Variants in DLGAP4 observed in about 807,000 individuals in gnomAD.
The protein encoded by DLGAP4 is disks large-associated protein 4.
A neutral mutation model predicts 86.9 loss-of-function variants in DLGAP4; 18 were observed. That is an observed-to-expected ratio of 0.21 (90% CI 0.14 to 0.31). The LOEUF is 0.31. Ranked by LOEUF, DLGAP4 falls within the 10% of genes least tolerant of loss-of-function variation. The probability of loss-of-function intolerance (pLI) is 1.00; values close to 1 mark genes in which losing one functional copy is unlikely to be tolerated. For synonymous variants in DLGAP4, 548 were observed against 574.3 expected (o/e 0.95, Z 0.65); for missense variants, 1,085 against 1,362.6 (o/e 0.80, Z 3.21).
chr20:36,356,540 G>C (rs4073817), intron 1 of DLGAP4, among the ~76,000 whole-genome samples: 60,872 of 151,862 alleles, frequency 0.4, 12,361 homozygotes, highest in East Asian at 0.59. Flanking sequence ...TCGAACTCCT[G>C]ACCTCAAGTG....
intron 7 of DLGAP4, among the ~76,000 whole-genome samples, chr20:36,455,107 G>C (rs1053477556): frequency 6.6e-6 from 1 of 151,976 alleles, no homozygotes; most frequent in Non-Finnish European, 1.5e-5. Flanking sequence ...TTCTCTCTAT[G>C]CCTCTGAGAA....
Position 36,500,622 on chromosome 20 carries a change from C to CAT in DLGAP4, c.2512+12_2512+13dup. On this transcript the variant is annotated intron_variant, in intron 10 of 12. Coordinates refer to ENST00000339266, the MANE Select transcript of DLGAP4 (RefSeq NM_001365621.2). This position sits in a 1 kb window ranked among gnomAD's most constrained non-coding sequence, Gnocchi z 4.6. ...ACCTCTCTGAAGAAGGTGGGTGCCA[C>CAT]ATGGATGGTCCTTGGGCAAGGGTAG... 6.7e-7 allele frequency: 1 copy of CAT among 1,481,684 alleles called. No homozygotes were observed. Among genetic ancestry groups the CAT allele is most frequent in the Non-Finnish European group, 9.0e-7 (1 of 1,115,726 alleles). 91.8% of individuals were successfully genotyped at this position (1,481,684 alleles called of 1,614,324 possible).
intron 1 of DLGAP4, among the ~76,000 whole-genome samples, chr20:36,311,813 G>A (rs944367330): frequency 6.6e-6 from 1 of 152,344 alleles, no homozygotes; most frequent in Middle Eastern, 3.4e-3. Context: ...ACAGAGGCTG[G>A]AAGACAGAGG....
intron 2 of DLGAP4, among the ~76,000 whole-genome samples, chr20:36,423,846 G>C (rs1203104125): frequency 6.6e-6 from 1 of 151,838 alleles, no homozygotes; most frequent in African/African-American, 2.4e-5. Context: ...TGTAATCCCA[G>C]CTACTCGGGA....
intron 7 of DLGAP4, among the ~76,000 whole-genome samples, chr20:36,466,405 C>T (rs1490245937): frequency 6.6e-6 from 1 of 152,206 alleles, no homozygotes; most frequent in African/African-American, 2.4e-5. Flanking sequence ...AGCAAGTCAC[C>T]TTTCCCCTAC....
chr20:36,312,763 G>A (rs1476717634), intron 1 of DLGAP4, among the ~76,000 whole-genome samples: 26 of 152,272 alleles, frequency 1.7e-4, no homozygotes, highest in Admixed American at 1.6e-3. Flanking sequence ...CTAGGAGTGA[G>A]CACTCGGCCT....
intron 2 of DLGAP4, among the ~76,000 whole-genome samples, chr20:36,403,236 C>T (rs1306113435): frequency 6.6e-6 from 1 of 152,098 alleles, no homozygotes; most frequent in Non-Finnish European, 1.5e-5. Flanking sequence ...TATGTCATAA[C>T]ATGGTGGAAG....
chr20:36,310,398 G>A lies in DLGAP4; in HGVS notation c.-304+3886G>A, dbSNP rs1364850161. On this transcript the variant is annotated intron_variant, in intron 1 of 12. Coordinates refer to ENST00000339266, the MANE Select transcript of DLGAP4 (RefSeq NM_001365621.2). ...GAGGGAGTAGGGTGCAGTCATGGTC[G>A]GCATCCACTCTTCTAGGAGCCCTGT... 1.1e-4 allele frequency among the ~76,000 whole-genome samples: 17 copies of A among 151,968 alleles called. 1 individual carries two copies. Among genetic ancestry groups the A allele is most frequent in the Admixed American group, 7.2e-4 (11 of 15,240 alleles).
At chr20:36,467,017 C>CCTCTCTCTCTCTCTCTCTCTCTCTCTCT (rs55778929) in intron 7 of DLGAP4, among the ~76,000 whole-genome samples, 1 of 50,346 alleles carries the variant, frequency 2.0e-5, no homozygotes, top group African/African-American at 1.3e-4. Context: ...CTCTCTCTCT[C>CCTCTCTCTCTCTCTCTCTCTCTCTCTCT]CTCTCTCTCT....
Position 36,393,710 on chromosome 20 carries a change from T to A in DLGAP4, c.-73+26435T>A, listed in dbSNP as rs566294163. 6.6e-6 allele frequency among the ~76,000 whole-genome samples: 1 copy of A among 152,286 alleles called. No homozygotes were observed. The highest frequency in any genetic ancestry group is 1.9e-4 in the East Asian group (1 of 5,182). On this transcript the variant is annotated intron_variant, in intron 2 of 12. Transcript: ENST00000339266. The surrounding 1 kb of genome is among the most constrained non-coding windows in gnomAD (Gnocchi z 4.4). ...AGGAGGGAAGGAAAGGGGGGCTCTG[T>A]GCCTGCACCCTTTGTGGCACTTTAG...
At chr20:36,516,105 G>A (rs1183778241) in intron 10 of DLGAP4, among the ~76,000 whole-genome samples, 2 of 152,200 alleles carry the variant, frequency 1.3e-5, no homozygotes, top group Non-Finnish European at 1.5e-5. Flanking sequence ...TGCTTCCACT[G>A]CTTTGGCCAG....
intron 10 of DLGAP4, among the ~76,000 whole-genome samples, chr20:36,511,811 G>T (rs2036711253): frequency 6.7e-6 from 1 of 149,848 alleles, no homozygotes; most frequent in Non-Finnish European, 1.5e-5. Context: ...GGAGGTGGAG[G>T]TTGCGGTGAG....
intron 2 of DLGAP4, among the ~76,000 whole-genome samples, chr20:36,417,336 G>T (rs1032145755): frequency 6.6e-4 from 101 of 151,916 alleles, no homozygotes; most frequent in African/African-American, 2.3e-3. Flanking sequence ...GCATGGCTTT[G>T]GTGGGCTGAG....
intron 7 of DLGAP4, among the ~76,000 whole-genome samples, chr20:36,471,399 C>T (rs1443220492): frequency 6.6e-6 from 1 of 152,128 alleles, no homozygotes; most frequent in Admixed American, 6.6e-5. Flanking sequence ...GAGGCTGAGG[C>T]AGAAGAATCA....
At position 36,500,187 on chromosome 20, in the gene DLGAP4, C is replaced by A; in HGVS notation, c.2100-12C>A. The A allele has an allele frequency of 3.3e-6, 5 of 1,522,736 alleles. No individual in the cohort carries two copies. In the South Asian group the frequency reaches 6.5e-5, roughly 20 times the overall value. The allele number at this position is 1,522,736 out of a possible 1,614,324, so 94.3% of individuals were successfully genotyped here. A position where few individuals can be genotyped will look rare whatever the true frequency, so the allele number is the denominator to read the frequency against. On this transcript the variant is annotated splice_polypyrimidine_tract_variant and intron_variant, in intron 9 of 12. Transcript: ENST00000339266. This position sits in a 1 kb window ranked among gnomAD's most constrained non-coding sequence, Gnocchi z 4.6. ...CCTTCCTGTCCCCACCCCATCCACC[C>A]CCTACCCACAGAAGCAGCGTCCCCT...
chr20:36,369,770 TC>T (rs1298753379), intron 2 of DLGAP4, among the ~76,000 whole-genome samples: 4 of 152,226 alleles, frequency 2.6e-5, no homozygotes, highest in Non-Finnish European at 4.4e-5. Context: ...TGCACTTTAC[TC>T]TTTCTATTAC....
chr20:36,418,659 C>A (rs2032734548), intron 2 of DLGAP4, among the ~76,000 whole-genome samples: 1 of 152,136 alleles, frequency 6.6e-6, no homozygotes, highest in Non-Finnish European at 1.5e-5. Flanking sequence ...CCCCCACCCC[C>A]TGAGGAGCTG....
intron 2 of DLGAP4, among the ~76,000 whole-genome samples, chr20:36,429,978 G>T (rs2033084580): frequency 6.6e-6 from 1 of 152,100 alleles, no homozygotes; most frequent in Admixed American, 6.6e-5. Flanking sequence ...CAGCCACACT[G>T]ACTCTTTGCC....
rs1481809124 is a variant in DLGAP4, at chr20:36,308,445, GTGCCAGCCTTGAGATGGAAC to G, written c.-304+1937_-304+1956del. Reference sequence around the variant, plus strand: ...ATGGCTGGGTTATGTGGAACCCCGGGTGCCAGCCTTGAGATGGAACTGCAGGTCTGAGGGCTGTGCCCCGG... The same window carrying G: ...ATGGCTGGGTTATGTGGAACCCCGGGTGCAGGTCTGAGGGCTGTGCCCCGG... On this transcript the variant is annotated intron_variant, in intron 1 of 12. Transcript: ENST00000339266. This position sits in a 1 kb window ranked among gnomAD's most constrained non-coding sequence, Gnocchi z 4.5. Among the ~76,000 whole-genome samples the G allele has an allele frequency of 3.3e-5, 5 of 152,228 alleles. No individual in the cohort carries two copies. The highest frequency in any genetic ancestry group is 7.3e-5 in the Non-Finnish European group (5 of 68,034).
Sources: allele counts gnomAD v4.1 joint callset (sites outside exome capture counted in the v4.1 genomes callset), GRCh38; gene constraint gnomAD v4.1.1; non-coding constraint Gnocchi (gnomAD v3.1); transcripts MANE v1.5; gene names NCBI Gene and HGNC (gene_info 2026-07-23, HGNC 2026-07-21).